ANOS1: variants seen among roughly 807,000 people sequenced by gnomAD.
ANOS1 encodes the protein anosmin-1.
In ANOS1, 6 loss-of-function variants were observed where a neutral mutation model predicts 59.0. The observed-to-expected ratio is 0.10, with a 90% CI of 0.06 to 0.20. ANOS1 has a LOEUF of 0.20. Ranked by LOEUF, ANOS1 falls within the 10% of genes least tolerant of loss-of-function variation. The pLI is 1.00. For missense variants in ANOS1, 433 were observed against 542.3 expected (o/e 0.80, Z 2.00); for synonymous variants, 217 against 223.4 (o/e 0.97, Z 0.25).
chrX:8,655,735 A>T (rs1480241714), intron 2 of ANOS1, among the ~76,000 whole-genome samples: 3 of 112,151 alleles, frequency 2.7e-5, no homozygotes, highest in Non-Finnish European at 5.6e-5. Context: ...TATTAAAATG[A>T]ACTGAAATTG....
intron 3 of ANOS1, among the ~76,000 whole-genome samples, chrX:8,616,867 A>T (rs1483802792): frequency 1.8e-5 from 2 of 112,112 alleles, no homozygotes; most frequent in African/African-American, 6.5e-5. Context: ...TGCAGGTCCC[A>T]TTCTAGTGTC....
chrX:8,655,143 G>T (rs1931911316), intron 2 of ANOS1, among the ~76,000 whole-genome samples: 1 of 111,150 alleles, frequency 9.0e-6, no homozygotes, highest in Admixed American at 9.6e-5. Context: ...TTATTACATT[G>T]TAATATATAA....
chrX:8,587,678 G>A (rs1930541431), intron 5 of ANOS1, 116 bp downstream of exon 5: 2 of 548,505 alleles, frequency 3.6e-6, no homozygotes, highest in Non-Finnish European at 6.2e-6. Context: ...TCATATCTGA[G>A]TAATTTATTT....
At chrX:8,566,535 G>C (rs776366606) in intron 8 of ANOS1, among the ~76,000 whole-genome samples, 3 of 111,142 alleles carry the variant, frequency 2.7e-5, no homozygotes, top group African/African-American at 9.8e-5. Flanking sequence ...AGTATATAGT[G>C]TATATATAAT....
At chrX:8,593,293 T>C (rs964605547) in intron 4 of ANOS1, among the ~76,000 whole-genome samples, 1 of 111,538 alleles carries the variant, frequency 9.0e-6, no homozygotes, top group African/African-American at 3.3e-5. Context: ...TGACAGCAAA[T>C]AGTAGGCACT....
At chrX:8,533,459 A>G (rs572238394) in intron 13 of ANOS1, among the ~76,000 whole-genome samples, 1 of 112,513 alleles carries the variant, frequency 8.9e-6, no homozygotes, top group South Asian at 3.6e-4. Flanking sequence ...CCATTGTGAT[A>G]GTTTTTGTTT....
Position 8,624,587 on chromosome X carries a change from TGA to T in ANOS1, c.256-919_256-918del, listed in dbSNP as rs746003453. 2.4e-4 allele frequency among the ~76,000 whole-genome samples: 27 copies of T among 111,439 alleles called. No homozygotes were observed. In the East Asian group the frequency reaches 5.1e-3, roughly 21 times the overall value. ...TGAATAAATCTGTTAGATTATGACA[TGA>T]GAGTCTCATAACAGAAAATAAGGTT... On this transcript the variant is annotated intron_variant, in intron 2 of 13. Transcript: ENST00000262648.
chrX:8,687,036 C>T (rs998003428), intron 2 of ANOS1, among the ~76,000 whole-genome samples: 2 of 112,025 alleles, frequency 1.8e-5, no homozygotes, highest in Non-Finnish European at 3.8e-5. Context: ...CCAATGTCCT[C>T]AACAACTTTC....
At chrX:8,643,909 C>T (rs1216817498) in intron 2 of ANOS1, among the ~76,000 whole-genome samples, 1 of 111,338 alleles carries the variant, frequency 9.0e-6, no homozygotes, top group Non-Finnish European at 1.9e-5. Flanking sequence ...GCCACCCCCC[C>T]AACCCCGCCT....
At chrX:8,710,210 G>A (rs759465185) in intron 1 of ANOS1, among the ~76,000 whole-genome samples, 7 of 111,961 alleles carry the variant, frequency 6.3e-5, no homozygotes, top group South Asian at 3.7e-4. Context: ...GATTACAAGC[G>A]TGAGCCACCA....
intron 9 of ANOS1, among the ~76,000 whole-genome samples, chrX:8,549,564 C>G (rs193080680): frequency 8.9e-6 from 1 of 112,440 alleles, no homozygotes; most frequent in South Asian, 3.7e-4. Context: ...TAAAGCAACA[C>G]CAAGCCTTAA....
intron 3 of ANOS1, among the ~76,000 whole-genome samples, chrX:8,618,955 C>T (rs1201187263): frequency 9.3e-6 from 1 of 107,349 alleles, no homozygotes; most frequent in African/African-American, 3.4e-5. Flanking sequence ...TGTCTGTAAT[C>T]CCAGCTACTC....
chrX:8,632,422 A>G (rs1373662903), intron 2 of ANOS1, among the ~76,000 whole-genome samples: 1 of 111,760 alleles, frequency 8.9e-6, no homozygotes, highest in Non-Finnish European at 1.9e-5. Flanking sequence ...CAATAAGGAG[A>G]CTTTATTTTA....
intron 6 of ANOS1, among the ~76,000 whole-genome samples, chrX:8,584,403 GTGTTT>G (rs1162619385): frequency 1.8e-5 from 2 of 109,200 alleles, no homozygotes; most frequent in Non-Finnish European, 3.8e-5. Context: ...GAAAAAAAAA[GTGTTT>G]TGTTTGTTTG....
intron 12 of ANOS1, chrX:8,535,059 G>A (rs1274803772): frequency 8.6e-6 from 1 of 116,737 alleles, no homozygotes; most frequent in East Asian, 2.6e-4. Context: ...ACGGTAGTTG[G>A]CTATTCTAAG....
intron 1 of ANOS1, among the ~76,000 whole-genome samples, chrX:8,725,523 T>TATATATATATACAG (rs1422103930): frequency 0.21 from 14,429 of 70,303 alleles, 4,143 homozygotes; most frequent in South Asian, 0.39. Context: ...TATACAGATA[T>TATATATATATACAG]ATATATATAT....
intron 2 of ANOS1, among the ~76,000 whole-genome samples, chrX:8,665,175 C>A (rs899815940): frequency 8.9e-6 from 1 of 112,206 alleles, no homozygotes; most frequent in Non-Finnish European, 1.9e-5. Flanking sequence ...ACAAGTCAAA[C>A]CTTGACAAAC....
At chrX:8,628,044 C>T (rs900966264) in intron 2 of ANOS1, among the ~76,000 whole-genome samples, 3 of 111,015 alleles carry the variant, frequency 2.7e-5, no homozygotes. Context: ...CACAAAGACC[C>T]CAGTGATGAA....
rs1404668069 is a variant in ANOS1 at position 8,570,610 on chromosome X, G to A, written c.951C>T (p.Leu317=). 1.7e-6 allele frequency: 2 copies of A among 1,211,314 alleles called. No individual in the cohort carries two copies. Among genetic ancestry groups the A allele is most frequent in the South Asian group, 3.5e-5 (2 of 56,927 alleles). ...GCACAGGGATGTCCGGCTCCTCGGG[G>A]AGATCCCAAACTATAGTGACGGTCA... ...GSVTVTIVWD[L]PEEPDIPVHH... Residue 317 remains leucine, a synonymous_variant, in exon 7 of 14, where the codon CTC becomes CTT. Transcript: ENST00000262648.
Sources: allele counts gnomAD v4.1 joint callset (sites outside exome capture counted in the v4.1 genomes callset), GRCh38; gene constraint gnomAD v4.1.1; transcripts MANE v1.5; gene names NCBI Gene and HGNC (gene_info 2026-07-23, HGNC 2026-07-21).